The following MIR2052HG variants were observed in gnomAD, a reference collection of about 807,000 sequenced individuals.
The protein encoded by MIR2052HG is MIR2052 host gene.
At chr8:74,604,946 C>T (rs1469369483) in intron 1 of MIR2052HG, among the ~76,000 whole-genome samples, 3 of 152,104 alleles carry the variant, frequency 2.0e-5, no homozygotes, top group African/African-American at 7.2e-5. Flanking sequence ...TGAGCTCATC[C>T]TGAATTTCTT....
chr8:74,737,142 A>G (rs1436121266), intron 4 of MIR2052HG, among the ~76,000 whole-genome samples: 1 of 152,168 alleles, frequency 6.6e-6, no homozygotes, highest in Non-Finnish European at 1.5e-5. Context: ...ATAACTTTGT[A>G]ACTTCACCCT....
At chr8:74,656,790 A>T (rs1466860978) in intron 2 of MIR2052HG, among the ~76,000 whole-genome samples, 1 of 152,194 alleles carries the variant, frequency 6.6e-6, no homozygotes, top group Non-Finnish European at 1.5e-5. Context: ...GGGAGAATAT[A>T]TAAGCAAATG....
rs1586908956 is a variant in MIR2052HG, at chr8:74,669,521, ACT to A, written n.217-32855_217-32854del. ...TAAATGAGATCTTGTCATTTTCCTAACTCTTGCTAATGATTTTCCTTTCCAAG... is the reference window on the plus strand; with the variant it reads ...TAAATGAGATCTTGTCATTTTCCTAACTTGCTAATGATTTTCCTTTCCAAG... On this transcript the variant is annotated intron_variant and non_coding_transcript_variant, in intron 2 of 6. Coordinates refer to ENST00000523442, the Ensembl canonical transcript of MIR2052HG. 3.9e-5 allele frequency among the ~76,000 whole-genome samples: 6 copies of A among 152,110 alleles called. No individual in the cohort carries two copies. The East Asian group carries it at 1.2e-3, about 29-fold the overall frequency.
At chr8:74,610,120 C>T (rs1265320438) in intron 1 of MIR2052HG, 1 of 150,092 alleles carries the variant, frequency 6.7e-6, no homozygotes, top group African/African-American at 2.5e-5. Flanking sequence ...ACATAATCAT[C>T]CAAAAAAAAA....
chr8:74,609,188 G>C (rs1037006266), intron 1 of MIR2052HG, among the ~76,000 whole-genome samples: 15 of 151,850 alleles, frequency 9.9e-5, no homozygotes, highest in Admixed American at 2.0e-4. Context: ...GAATAAATTT[G>C]ACTACTTACA....
intron 2 of MIR2052HG, among the ~76,000 whole-genome samples, chr8:74,667,228 G>A (rs1207706904): frequency 1.3e-5 from 2 of 152,168 alleles, no homozygotes; most frequent in Non-Finnish European, 2.9e-5. Flanking sequence ...CTTATCTGAG[G>A]CCATCTTTGG....
intron 4 of MIR2052HG, among the ~76,000 whole-genome samples, chr8:74,725,641 T>C (rs1210157456): frequency 6.6e-6 from 1 of 152,118 alleles, no homozygotes; most frequent in Non-Finnish European, 1.5e-5. Flanking sequence ...TACTTGATCA[T>C]CCCAGGGTTC....
At chr8:74,719,849 C>CTTTTTTT in intron 4 of MIR2052HG, among the ~76,000 whole-genome samples, 141 of 106,690 alleles carry the variant, frequency 1.3e-3, no homozygotes, top group East Asian at 2.8e-3. Flanking sequence ...TTTCTTTTTT[C>CTTTTTTT]TTTTTTTTTT....
chr8:74,686,114 A>C (rs1253198060), intron 2 of MIR2052HG, among the ~76,000 whole-genome samples: 2 of 125,142 alleles, frequency 1.6e-5, no homozygotes, highest in African/African-American at 9.0e-5. Flanking sequence ...TTTTTTCTTC[A>C]AAAAAAATTC....
intron 2 of MIR2052HG, among the ~76,000 whole-genome samples, chr8:74,669,758 TCTC>T (rs750167250): frequency 3.1e-4 from 47 of 152,202 alleles, no homozygotes; most frequent in South Asian, 2.1e-3. Context: ...TTTTCTATCT[TCTC>T]CTCCCTTGGA....
intron 2 of MIR2052HG, among the ~76,000 whole-genome samples, chr8:74,698,956 G>C (rs907089365): frequency 1.3e-5 from 2 of 151,772 alleles, no homozygotes; most frequent in African/African-American, 2.4e-5. Flanking sequence ...TTAAGAACAT[G>C]AATAGACAAT....
intron 2 of MIR2052HG, among the ~76,000 whole-genome samples, chr8:74,613,582 T>C (rs958115968): frequency 6.6e-6 from 1 of 152,114 alleles, no homozygotes; most frequent in Non-Finnish European, 1.5e-5. Flanking sequence ...CCTCCCGGGT[T>C]CAAGCAATTC....
intron 2 of MIR2052HG, among the ~76,000 whole-genome samples, chr8:74,627,121 G>A (rs1394346365): frequency 6.6e-6 from 1 of 152,022 alleles, no homozygotes; most frequent in Non-Finnish European, 1.5e-5. Context: ...CAGAACATAG[G>A]CCATCTAGAA....
chr8:74,694,689 C>T (rs1218215324), intron 2 of MIR2052HG, among the ~76,000 whole-genome samples: 5 of 152,014 alleles, frequency 3.3e-5, no homozygotes. Flanking sequence ...TAGAGAAATG[C>T]AATATACACT....
chr8:74,603,737 G>T (rs114395925), intron 1 of MIR2052HG: 17 of 869,798 alleles, frequency 2.0e-5, no homozygotes, highest in Non-Finnish European at 3.4e-5. Context: ...CCCTTCGGGG[G>T]GGACTCCAAC....
intron 2 of MIR2052HG, among the ~76,000 whole-genome samples, chr8:74,638,857 G>A (rs920636593): frequency 1.6e-4 from 24 of 152,116 alleles, no homozygotes; most frequent in Admixed American, 5.9e-4. Flanking sequence ...GGATGAAATC[G>A]AAAGCCATGG....
At chr8:74,623,020 CAA>C (rs1808384988) in intron 2 of MIR2052HG, among the ~76,000 whole-genome samples, 1 of 151,970 alleles carries the variant, frequency 6.6e-6, no homozygotes, top group Non-Finnish European at 1.5e-5. Flanking sequence ...AGATGTTGGT[CAA>C]AGAACACAAA....
At chr8:74,616,422 A>G (rs1023848015) in intron 2 of MIR2052HG, among the ~76,000 whole-genome samples, 1 of 149,428 alleles carries the variant, frequency 6.7e-6, no homozygotes, top group Non-Finnish European at 1.5e-5. Flanking sequence ...AGAGAAATGC[A>G]AATGCTTTGA....
intron 4 of MIR2052HG, among the ~76,000 whole-genome samples, chr8:74,734,615 A>G (rs1048231715): frequency 3.9e-5 from 6 of 152,224 alleles, no homozygotes; most frequent in Non-Finnish European, 7.3e-5. Flanking sequence ...AAAGCTTATG[A>G]AACACAGTAT....
Sources: allele counts gnomAD v4.1 joint callset (sites outside exome capture counted in the v4.1 genomes callset), GRCh38; gene constraint gnomAD v4.1.1; transcripts MANE v1.5; gene names NCBI Gene and HGNC (gene_info 2026-07-23, HGNC 2026-07-21).